B4GALT6: variants seen among roughly 807,000 people sequenced by gnomAD.
B4GALT6 encodes UDP-Gal:beta-GlcNAc beta-1,4-galactosyltransferase 6.
In B4GALT6, 14 loss-of-function variants were observed where a neutral mutation model predicts 46.3. That is an observed-to-expected ratio of 0.30 (90% CI 0.20 to 0.47). The LOEUF is 0.47. Among genes scored for constraint, B4GALT6 ranks in the 20% least tolerant of loss-of-function variants. B4GALT6 has a pLI of 0.99. For missense variants in B4GALT6, 386 were observed against 480.1 expected, an observed-to-expected ratio of 0.80 and a Z score of 1.83; for synonymous variants, 168 against 162.0, an observed-to-expected ratio of 1.04 and a Z score of -0.28.
intron 1 of B4GALT6, among the ~76,000 whole-genome samples, chr18:31,668,259 G>A (rs780105740): frequency 3.9e-5 from 6 of 152,118 alleles, no homozygotes; most frequent in African/African-American, 1.4e-4. Flanking sequence ...GCTAGACACT[G>A]GGTACTCATG....
chr18:31,689,572 A>G (rs910399217), upstream of B4GALT6, among the ~76,000 whole-genome samples: 2 of 152,048 alleles, frequency 1.3e-5, no homozygotes, highest in Non-Finnish European at 2.9e-5. Flanking sequence ...GTGAAACCCC[A>G]TCTCTACCAG....
chr18:31,690,574 CT>C (rs770721056), upstream of B4GALT6, among the ~76,000 whole-genome samples: 7 of 151,884 alleles, frequency 4.6e-5, no homozygotes, highest in Non-Finnish European at 8.8e-5. Context: ...GGTTCAAGCG[CT>C]TCTGCTGGCC....
the B4GALT6 span, among the ~76,000 whole-genome samples, chr18:31,707,675 G>A: frequency 6.6e-6 from 1 of 152,090 alleles, no homozygotes; most frequent in Non-Finnish European, 1.5e-5. Flanking sequence ...AAGGACAGAA[G>A]CTCCTAGGCA....
At chr18:31,676,280 TATC>T (rs1427590697) in intron 1 of B4GALT6, among the ~76,000 whole-genome samples, 2 of 152,138 alleles carry the variant, frequency 1.3e-5, no homozygotes, top group African/African-American at 2.4e-5. Flanking sequence ...TCAATCAAGA[TATC>T]ATGTCATAGT....
At chr18:31,710,280 A>G in the B4GALT6 span, among the ~76,000 whole-genome samples, 17 of 152,314 alleles carry the variant, frequency 1.1e-4, no homozygotes, top group East Asian at 2.9e-3. Context: ...ATAAATTGAT[A>G]TAAATAAGAA....
At chr18:31,645,856 C>T (rs1416407226) in intron 3 of B4GALT6, among the ~76,000 whole-genome samples, 1 of 152,130 alleles carries the variant, frequency 6.6e-6, no homozygotes. Flanking sequence ...ATTTTCAACA[C>T]AGGGGACACA....
chr18:31,679,511 T>C (rs942680455), intron 1 of B4GALT6, among the ~76,000 whole-genome samples: 1 of 152,228 alleles, frequency 6.6e-6, no homozygotes, highest in Admixed American at 6.5e-5. Flanking sequence ...ACTTTCAAAC[T>C]ATACTTGGTC....
intron 3 of B4GALT6, among the ~76,000 whole-genome samples, chr18:31,645,935 T>C (rs1430875881): frequency 6.6e-6 from 1 of 152,214 alleles, no homozygotes; most frequent in Non-Finnish European, 1.5e-5. Flanking sequence ...CTTCTGTCTA[T>C]TGGGAAAATG....
intron 6 of B4GALT6, among the ~76,000 whole-genome samples, chr18:31,628,597 A>C (rs1251006553): frequency 6.6e-6 from 1 of 152,226 alleles, no homozygotes; most frequent in Non-Finnish European, 1.5e-5. Flanking sequence ...TTTATCTTAC[A>C]CTGTAAAAGT....
intron 1 of B4GALT6, among the ~76,000 whole-genome samples, chr18:31,669,211 G>C (rs1273211338): frequency 6.6e-6 from 1 of 152,054 alleles, no homozygotes; most frequent in Non-Finnish European, 1.5e-5. Context: ...ATTCAAATTA[G>C]GTAAAGCTGT....
intron 3 of B4GALT6, among the ~76,000 whole-genome samples, chr18:31,652,239 A>T (rs182466587): frequency 3.2e-4 from 49 of 152,154 alleles, no homozygotes; most frequent in African/African-American, 1.1e-3. Flanking sequence ...CTTCTGACGC[A>T]CTTCTCAAGA....
At chr18:31,693,756 C>T in the B4GALT6 span, among the ~76,000 whole-genome samples, 6 of 151,926 alleles carry the variant, frequency 3.9e-5, no homozygotes, top group African/African-American at 9.7e-5. Context: ...TTGCTTGAGC[C>T]CAGGAGTTCA....
intron 3 of B4GALT6, among the ~76,000 whole-genome samples, chr18:31,653,086 G>A (rs1339905999): frequency 2.6e-5 from 4 of 151,154 alleles, no homozygotes; most frequent in South Asian, 4.2e-4. Flanking sequence ...AATGCATACA[G>A]GCTCATAAAT....
At chr18:31,660,762 T>C (rs1246279804) in intron 2 of B4GALT6, among the ~76,000 whole-genome samples, 1 of 151,796 alleles carries the variant, frequency 6.6e-6, no homozygotes, top group Non-Finnish European at 1.5e-5. Context: ...AGAAATAATA[T>C]AAAAATATTT....
chr18:31,639,320 T>C (rs549628833), intron 4 of B4GALT6, among the ~76,000 whole-genome samples: 4 of 152,302 alleles, frequency 2.6e-5, no homozygotes. Flanking sequence ...TCCTAAATAA[T>C]AACTTCCTGG....
chr18:31,658,134 T>C, intron 2 of B4GALT6, 45 bp from the exon 3 acceptor site: 1 of 1,251,756 alleles, frequency 8.0e-7, no homozygotes, highest in Non-Finnish European at 1.2e-6. Context: ...AAAAGGCCTT[T>C]TGCTTTCTCC....
intron 1 of B4GALT6, among the ~76,000 whole-genome samples, chr18:31,673,143 T>C (rs1468142641): frequency 1.3e-5 from 2 of 152,032 alleles, no homozygotes; most frequent in Admixed American, 1.3e-4. Flanking sequence ...AAAACCATTC[T>C]GTTGGTGGGA....
intron 1 of B4GALT6, among the ~76,000 whole-genome samples, chr18:31,678,469 T>C (rs1052940492): frequency 6.6e-6 from 1 of 152,202 alleles, no homozygotes; most frequent in Non-Finnish European, 1.5e-5. Flanking sequence ...AGCTTGTATT[T>C]CCCCAAAATC....
the B4GALT6 span, among the ~76,000 whole-genome samples, chr18:31,720,724 G>T: frequency 6.6e-6 from 1 of 152,192 alleles, no homozygotes; most frequent in Non-Finnish European, 1.5e-5. Context: ...CTTGGCATGT[G>T]TGTCACCCTG....
Sources: gnomAD v4.1 joint callset for allele counts (sites outside exome capture counted in the v4.1 genomes callset) on GRCh38, gnomAD v4.1.1 for gene constraint, MANE v1.5 for transcripts, NCBI Gene and HGNC (gene_info 2026-07-23, HGNC 2026-07-21) for gene names.